ACYP2: variants seen among roughly 807,000 people sequenced by gnomAD.
ACYP2 encodes the protein acylphosphatase 2, also known as acylphosphatase-2.
Under a neutral mutation model 11.2 loss-of-function variants are expected in ACYP2, and 12 were observed. That is an observed-to-expected ratio of 1.08 (90% confidence interval 0.69 to 1.74). The LOEUF is 1.74. ACYP2 is among the 40% of genes most tolerant of loss of function. The probability of loss-of-function intolerance (pLI) is 0.00; values close to 1 mark genes in which losing one functional copy is unlikely to be tolerated. For missense variants in ACYP2, 134 were observed against 101.9 expected (o/e 1.31, Z -1.35); for synonymous variants, 43 against 32.2 (o/e 1.33, Z -1.13).
At chr2:54,260,924 C>G (rs751313471) in intron 6 of ACYP2, among the ~76,000 whole-genome samples, 3 of 152,014 alleles carry the variant, frequency 2.0e-5, no homozygotes, top group Admixed American at 6.6e-5. Context: ...ACAGTAGCAA[C>G]GTTTTAGGGC....
intron 4 of ACYP2, among the ~76,000 whole-genome samples, chr2:54,101,090 G>A (rs769503282): frequency 3.9e-5 from 6 of 152,110 alleles, no homozygotes; most frequent in Admixed American, 6.5e-5. Context: ...AGCTGTGGTC[G>A]GAGGACCCCA....
chr2:54,099,252 A>C (rs1198222004), intron 4 of ACYP2, among the ~76,000 whole-genome samples: 2 of 152,240 alleles, frequency 1.3e-5, no homozygotes, highest in Non-Finnish European at 2.9e-5. Flanking sequence ...TAATTAACGT[A>C]TGCATTACCT....
chr2:54,189,747 T>C (rs1340639387), intron 6 of ACYP2, among the ~76,000 whole-genome samples: 3 of 152,188 alleles, frequency 2.0e-5, no homozygotes, highest in Non-Finnish European at 4.4e-5. Flanking sequence ...CTGGGTCATA[T>C]GACAGTACTA....
intron 6 of ACYP2, among the ~76,000 whole-genome samples, chr2:54,264,860 G>A (rs1004133037): frequency 6.6e-6 from 1 of 152,170 alleles, no homozygotes; most frequent in African/African-American, 2.4e-5. Context: ...TTTCTTAGGT[G>A]TGATAAATGG....
intron 2 of ACYP2, among the ~76,000 whole-genome samples, chr2:53,997,572 C>G (rs115322634): frequency 0.046 from 7,006 of 152,242 alleles, 227 homozygotes; most frequent in Non-Finnish European, 0.06. Flanking sequence ...TCCCAAAGTG[C>G]TGAGACTATA....
At chr2:54,213,834 C>T (rs924771334) in intron 6 of ACYP2, among the ~76,000 whole-genome samples, 26 of 151,392 alleles carry the variant, frequency 1.7e-4, no homozygotes, top group African/African-American at 6.1e-4. Context: ...GTGGCATGAA[C>T]GCTGCTCACT....
At chr2:54,078,501 T>A (rs528656542) in intron 4 of ACYP2, among the ~76,000 whole-genome samples, 1 of 151,658 alleles carries the variant, frequency 6.6e-6, no homozygotes, top group Admixed American at 6.6e-5. Flanking sequence ...CCTTGTACCA[T>A]CTTGCATCAT....
chr2:54,025,258 A>G (rs1434761423), intron 2 of ACYP2, among the ~76,000 whole-genome samples: 3 of 152,218 alleles, frequency 2.0e-5, no homozygotes, highest in Non-Finnish European at 4.4e-5. Flanking sequence ...AACCAAAAAG[A>G]AACCATATAG....
intron 6 of ACYP2, among the ~76,000 whole-genome samples, chr2:54,222,820 A>T (rs1013884771): frequency 1.3e-5 from 2 of 152,074 alleles, no homozygotes; most frequent in African/African-American, 4.8e-5. Context: ...TGTCAGTCTG[A>T]GTGTAAAGCT....
intron 4 of ACYP2, among the ~76,000 whole-genome samples, chr2:54,103,457 T>C (rs1194821000): frequency 1.3e-5 from 2 of 152,230 alleles, no homozygotes; most frequent in African/African-American, 4.8e-5. Context: ...GAAATGTTTT[T>C]TTTCCAGTTT....
chr2:54,076,436 A>G lies in ACYP2; in HGVS notation c.277+19076A>G, dbSNP rs1047354189. The stretch of plus-strand genomic sequence containing the variant: ...GATTGAGAAGCTCATGGAAGATCGC[A>G]CTGCTAGTTAATGGCAGAGAAAGGA... On this transcript the variant is annotated intron_variant, in intron 4 of 6. Transcript: ENST00000607452. 2.6e-5 allele frequency among the ~76,000 whole-genome samples: 4 copies of G among 152,352 alleles called. No homozygotes were observed. In the East Asian group the frequency reaches 5.8e-4, roughly 22 times the overall value.
At chr2:54,194,178 C>T (rs1301773409) in intron 6 of ACYP2, among the ~76,000 whole-genome samples, 2 of 151,978 alleles carry the variant, frequency 1.3e-5, no homozygotes, top group African/African-American at 4.8e-5. Flanking sequence ...TAGCTGGTAC[C>T]ACAGGGGTGT....
intron 6 of ACYP2, among the ~76,000 whole-genome samples, chr2:54,219,795 G>T (rs1470761753): frequency 2.8e-5 from 4 of 143,636 alleles, no homozygotes; most frequent in African/African-American, 5.4e-5. Context: ...ATTTTTATGT[G>T]TGTGTGTGTG....
At chr2:54,065,198 T>C (rs1381454209) in intron 4 of ACYP2, among the ~76,000 whole-genome samples, 1 of 152,116 alleles carries the variant, frequency 6.6e-6, no homozygotes, top group East Asian at 1.9e-4. Context: ...ATTGCCTGGA[T>C]TTAAGGGTTA....
chr2:54,033,903 T>G (rs1674728793), intron 2 of ACYP2, among the ~76,000 whole-genome samples: 1 of 152,236 alleles, frequency 6.6e-6, no homozygotes, highest in Non-Finnish European at 1.5e-5. Flanking sequence ...AAATACATGC[T>G]GTCAAGACCA....
intron 6 of ACYP2, among the ~76,000 whole-genome samples, chr2:54,258,621 A>C (rs1360244437): frequency 6.6e-6 from 1 of 152,118 alleles, no homozygotes; most frequent in South Asian, 2.1e-4. Context: ...GTATGGTGGC[A>C]ATGGTAGATT....
At chr2:54,136,533 C>T (rs1681247141) in intron 5 of ACYP2, among the ~76,000 whole-genome samples, 1 of 152,134 alleles carries the variant, frequency 6.6e-6, no homozygotes, top group African/African-American at 2.4e-5. Flanking sequence ...TCGTTATTAT[C>T]TAATAAGAAA....
chr2:54,184,623 A>G lies in ACYP2; in HGVS notation c.404+45875A>G, dbSNP rs543930166. ...TAAAAATATCTAGAATTAAATAAACATAGGTGATAAATACAAATATGATAA... is the reference window on the plus strand; with the variant it reads ...TAAAAATATCTAGAATTAAATAAACGTAGGTGATAAATACAAATATGATAA... On this transcript the variant is annotated intron_variant, in intron 6 of 6. Coordinates refer to ENST00000607452, the MANE Select transcript of ACYP2 (RefSeq NM_001320586.2). 6.6e-5 allele frequency among the ~76,000 whole-genome samples: 10 copies of G among 152,342 alleles called. No homozygotes were observed. The South Asian group carries it at 1.9e-3, about 28-fold the overall frequency.
intron 6 of ACYP2, among the ~76,000 whole-genome samples, chr2:54,296,827 T>C (rs1689541572): frequency 6.6e-6 from 1 of 152,254 alleles, no homozygotes; most frequent in African/African-American, 2.4e-5. Flanking sequence ...TACATTATTA[T>C]TCTTTCATTT....
Sources: gnomAD v4.1 joint callset for allele counts (sites outside exome capture counted in the v4.1 genomes callset) on GRCh38, gnomAD v4.1.1 for gene constraint, MANE v1.5 for transcripts, NCBI Gene and HGNC (gene_info 2026-07-23, HGNC 2026-07-21) for gene names.